The following ANXA11 variants were observed in gnomAD, a reference collection of about 807,000 sequenced individuals.
ANXA11 encodes the protein 56 kDa autoantigen.
A neutral mutation model predicts 64.7 loss-of-function variants in ANXA11; 57 were observed. The observed-to-expected ratio is 0.88, with a 90% CI of 0.71 to 1.10. The LOEUF is 1.10. Among genes scored for constraint, ANXA11 ranks in the 50% least tolerant of loss-of-function variants. The pLI, the probability that ANXA11 is intolerant of heterozygous loss-of-function variation, is 0.00. For synonymous variants in ANXA11, 260 were observed against 265.2 expected (o/e 0.98, Z 0.19); for missense variants, 675 against 670.7 (o/e 1.01, Z -0.07).
intron 8 of ANXA11, 109 bp from the exon 9 acceptor site, chr10:80,164,252 C>A (rs1262573841): frequency 3.7e-6 from 3 of 800,786 alleles, no homozygotes; most frequent in Non-Finnish European, 6.1e-6. Flanking sequence ...GCAACAGAGG[C>A]CCCTGACACA....
At chr10:80,186,790 G>A (rs1001214350) in intron 1 of ANXA11, among the ~76,000 whole-genome samples, 7 of 152,198 alleles carry the variant, frequency 4.6e-5, no homozygotes, top group Middle Eastern at 3.2e-3. Flanking sequence ...AACGCAGACC[G>A]AGAGCACACA....
At chr10:80,171,823 AG>A in intron 3 of ANXA11, 3 of 985,536 alleles carry the variant, frequency 3.0e-6, no homozygotes, top group Non-Finnish European at 3.6e-6. Context: ...TGGCAGTGGC[AG>A]GATCTGGATG....
chr10:80,200,729 C>T (rs1210200911), intron 1 of ANXA11, among the ~76,000 whole-genome samples: 2 of 152,164 alleles, frequency 1.3e-5, no homozygotes, highest in African/African-American at 4.8e-5. Context: ...TGCAGTTGGC[C>T]ACAAAGAAAA....
At chr10:80,168,264 G>A (rs1239004493) in intron 5 of ANXA11, among the ~76,000 whole-genome samples, 2 of 145,648 alleles carry the variant, frequency 1.4e-5, no homozygotes, top group African/African-American at 5.0e-5. Flanking sequence ...GGGGGGGCGG[G>A]GGTGGTGCAT....
At chr10:80,171,944 A>C in intron 3 of ANXA11, 1 of 983,646 alleles carries the variant, frequency 1.0e-6, no homozygotes, top group Non-Finnish European at 1.2e-6. Flanking sequence ...CTGGGACAGC[A>C]GCTGAGCCAC....
chr10:80,166,244 T>A, intron 7 of ANXA11, 47 bp from the exon 8 acceptor site: 1 of 1,210,566 alleles, frequency 8.3e-7, no homozygotes. Context: ...AAAACAAGTC[T>A]ATTTAAAAAA....
chr10:80,187,115 C>T (rs1589444587), intron 1 of ANXA11, among the ~76,000 whole-genome samples: 1 of 152,134 alleles, frequency 6.6e-6, no homozygotes, highest in South Asian at 2.1e-4. Context: ...CAGAAAAAGC[C>T]CCCCACCCAA....
At position 80,196,544 on chromosome 10, in the gene ANXA11, G is replaced by C. The variant is rs947815667; in HGVS notation, c.-58+8799C>G. The stretch of plus-strand genomic sequence containing the variant: ...CATTCCCCTCTCTCCCCCACCTCAA[G>C]GCAGGACCTTAAGTGATGTGAGTGG... On this transcript the variant is annotated intron_variant, in intron 1 of 15. Transcript: ENST00000422982. 2.0e-5 allele frequency among the ~76,000 whole-genome samples: 3 copies of C among 152,170 alleles called. No homozygotes were observed. In the East Asian group the frequency reaches 5.8e-4, roughly 29 times the overall value.
intron 1 of ANXA11, among the ~76,000 whole-genome samples, chr10:80,203,654 C>A (rs1589460769): frequency 6.6e-6 from 1 of 152,226 alleles, no homozygotes; most frequent in East Asian, 1.9e-4. Flanking sequence ...AGCCACACCG[C>A]CACACAAATA....
At chr10:80,179,197 C>A (rs936489000) in intron 1 of ANXA11, among the ~76,000 whole-genome samples, 2 of 152,084 alleles carry the variant, frequency 1.3e-5, no homozygotes, top group Non-Finnish European at 2.9e-5. Flanking sequence ...GTAGCGCCTC[C>A]TCCCCACACC....
At chr10:80,163,637 T>C (rs1444810934) in intron 9 of ANXA11, 24 bp from the exon 10 acceptor site, 2 of 1,547,198 alleles carry the variant, frequency 1.3e-6, no homozygotes, top group Non-Finnish European at 1.7e-6. Flanking sequence ...GCAAGGAAGG[T>C]CCATCCTGTA....
intron 1 of ANXA11, among the ~76,000 whole-genome samples, chr10:80,203,475 A>G (rs1488474796): frequency 6.6e-6 from 1 of 152,092 alleles, no homozygotes; most frequent in African/African-American, 2.4e-5. Flanking sequence ...TCAAGGTCCT[A>G]TATTTTAACC....
intron 12 of ANXA11, among the ~76,000 whole-genome samples, chr10:80,161,562 G>A (rs183086383): frequency 9.8e-5 from 15 of 152,388 alleles, no homozygotes; most frequent in Non-Finnish European, 2.1e-4. Flanking sequence ...CCATGCGGGA[G>A]CGCGATTTAC....
intron 10 of ANXA11, 53 bp from the exon 11 acceptor site, chr10:80,163,458 CT>C (rs1388898456): frequency 5.0e-6 from 8 of 1,613,030 alleles, no homozygotes; most frequent in Non-Finnish European, 6.8e-6. Flanking sequence ...TTTATTTTCC[CT>C]TTCCTCATTG....
intron 1 of ANXA11, among the ~76,000 whole-genome samples, chr10:80,204,502 C>T (rs1288238264): frequency 6.6e-6 from 1 of 152,236 alleles, no homozygotes; most frequent in Non-Finnish European, 1.5e-5. Context: ...GGGAGAGCTA[C>T]CACAAACGCC....
chr10:80,166,843 A>G (rs764770219), intron 7 of ANXA11, 47 bp downstream of exon 7: 2 of 1,418,790 alleles, frequency 1.4e-6, no homozygotes, highest in Non-Finnish European at 1.9e-6. Context: ...GGCTGTGCTG[A>G]GCCCAGGACA....
At chr10:80,176,926 C>A (rs952009818) in intron 1 of ANXA11, among the ~76,000 whole-genome samples, 2 of 152,148 alleles carry the variant, frequency 1.3e-5, no homozygotes, top group African/African-American at 4.8e-5. Context: ...GAAAGAATAG[C>A]CTCATTTTTC....
chr10:80,171,982 G>T, intron 3 of ANXA11: 1 of 926,060 alleles, frequency 1.1e-6, no homozygotes, highest in Non-Finnish European at 1.3e-6. Flanking sequence ...TTCTTCACCT[G>T]CTGAATGGGA....
chr10:80,183,923 G>C (rs1846444896), intron 1 of ANXA11, among the ~76,000 whole-genome samples: 1 of 152,170 alleles, frequency 6.6e-6, no homozygotes, highest in African/African-American at 2.4e-5. Context: ...GCTGGCCCCA[G>C]GGGACCATGT....
Sources: allele counts gnomAD v4.1 joint callset (sites outside exome capture counted in the v4.1 genomes callset), GRCh38; gene constraint gnomAD v4.1.1; transcripts MANE v1.5; gene names NCBI Gene and HGNC (gene_info 2026-07-23, HGNC 2026-07-21).